ASXL3: variants seen among roughly 807,000 people sequenced by gnomAD.
ASXL3 encodes putative Polycomb group protein ASXL3.
In ASXL3, 34 loss-of-function variants were observed where a neutral mutation model predicts 170.6. That is an observed-to-expected ratio of 0.20 (90% confidence interval 0.15 to 0.27). The LOEUF is 0.27. Among genes scored for constraint, ASXL3 ranks in the 10% least tolerant of loss-of-function variants. The probability of loss-of-function intolerance (pLI) is 1.00; values close to 1 mark genes in which losing one functional copy is unlikely to be tolerated. For synonymous variants in ASXL3, 1,002 were observed against 989.1 expected, an observed-to-expected ratio of 1.01 and a Z score of -0.24; for missense variants, 2,592 against 2,695.3, an observed-to-expected ratio of 0.96 and a Z score of 0.85.
At position 33,738,412 on chromosome 18, in the gene ASXL3, A is replaced by G. The variant is rs1493910; in HGVS notation, c.1083-75A>G. ...GATGCATTTACTTCTATTGAATACT[A>G]CATTCATGAGAGATCCCAGTTGTAC... On this transcript the variant is annotated intron_variant, in intron 10 of 11. Transcript: ENST00000269197. The G allele has an allele frequency of 0.53, 721,892 of 1,374,244 alleles. 195,732 individuals are homozygous for G. The highest frequency in any genetic ancestry group is 0.91 in the East Asian group (37,305 of 41,146). 85.1% of individuals were successfully genotyped at this position (1,374,244 alleles called of 1,614,324 possible).
At chr18:33,667,866 T>TA (rs1166507017) in intron 5 of ASXL3, among the ~76,000 whole-genome samples, 1 of 152,222 alleles carries the variant, frequency 6.6e-6, no homozygotes, top group African/African-American at 2.4e-5. Context: ...CAGCAGCACT[T>TA]ATGCTACCAT....
chr18:33,655,880 A>G (rs1173580504), intron 4 of ASXL3, among the ~76,000 whole-genome samples: 1 of 152,058 alleles, frequency 6.6e-6, no homozygotes, highest in African/African-American at 2.4e-5. Context: ...CAAATTTATT[A>G]TTGTTAAGTT....
chr18:33,591,261 AT>A (rs1024035457), intron 1 of ASXL3, among the ~76,000 whole-genome samples: 2 of 152,008 alleles, frequency 1.3e-5, no homozygotes, highest in African/African-American at 4.8e-5. Context: ...TTTTTAACAC[AT>A]TTTACTTAGC....
intron 3 of ASXL3, among the ~76,000 whole-genome samples, chr18:33,645,313 A>G (rs72960063): frequency 6.6e-6 from 1 of 151,992 alleles, no homozygotes; most frequent in South Asian, 2.1e-4. Flanking sequence ...AGATGAGCAG[A>G]GTTACCATGA....
At chr18:33,737,238 C>T in intron 10 of ASXL3, among the ~76,000 whole-genome samples, 1 of 152,054 alleles carries the variant, frequency 6.6e-6, no homozygotes, top group East Asian at 1.9e-4. Flanking sequence ...TGGCCAAATA[C>T]CCAAAAACTG....
At chr18:33,652,041 C>T (rs1226246339) in intron 4 of ASXL3, among the ~76,000 whole-genome samples, 1 of 152,074 alleles carries the variant, frequency 6.6e-6, no homozygotes, top group Non-Finnish European at 1.5e-5. Context: ...TCACATTTTA[C>T]AAGCTAAGCT....
intron 1 of ASXL3, chr18:33,578,987 C>G (rs1474561123): frequency 1.1e-5 from 2 of 176,078 alleles, no homozygotes. Flanking sequence ...AATTTCCGAG[C>G]GCTCGGCGCA....
intron 2 of ASXL3, among the ~76,000 whole-genome samples, chr18:33,613,304 C>T (rs1462382276): frequency 6.6e-6 from 1 of 152,054 alleles, no homozygotes; most frequent in Non-Finnish European, 1.5e-5. Flanking sequence ...TTATTCCTTA[C>T]CTTACCTGGA....
chr18:33,638,455 AGT>A (rs1450985400), intron 2 of ASXL3, among the ~76,000 whole-genome samples: 1 of 152,084 alleles, frequency 6.6e-6, no homozygotes, highest in African/African-American at 2.4e-5. Flanking sequence ...TCTGCAGCCT[AGT>A]TCTTTATATT....
rs569078191 is a variant in ASXL3, at chr18:33,665,954, G to C, written c.477+4217G>C. Among the ~76,000 whole-genome samples the C allele has an allele frequency of 3.9e-5, 6 of 152,114 alleles. No homozygotes were observed. The South Asian group carries it at 1.2e-3, about 32-fold the overall frequency. ...CCTTTGAAAAGTGCATTTATTTCTA[G>C]GGTTAAGCTTGTAAATTTCTTTCAT... On this transcript the variant is annotated intron_variant, in intron 5 of 11. Coordinates refer to ENST00000269197, the MANE Select transcript of ASXL3 (RefSeq NM_030632.3).
intron 1 of ASXL3, among the ~76,000 whole-genome samples, chr18:33,581,187 TA>T (rs1207467746): frequency 1.1e-4 from 16 of 152,248 alleles, no homozygotes; most frequent in East Asian, 1.9e-4. Flanking sequence ...AACTCTCAAT[TA>T]AAAAAAGTTT....
intron 2 of ASXL3, among the ~76,000 whole-genome samples, chr18:33,619,406 CTT>C (rs2065475184): frequency 6.6e-6 from 1 of 151,016 alleles, no homozygotes; most frequent in Admixed American, 6.6e-5. Context: ...TGTTGAAACT[CTT>C]TCAGTTTATA....
chr18:33,739,328 C>G lies in ASXL3; in HGVS notation c.1924C>G (p.Pro642Ala). The change falls in exon 11 of 12, where the codon CCA (proline) becomes GCA (alanine). Residue 642 changes from proline to alanine, a missense_variant. Coordinates refer to ENST00000269197, the MANE Select transcript of ASXL3 (RefSeq NM_030632.3). ...GTCCACATCAGAAGAATCATGTACT[C>G]CAGCCTCCCTTGAGACAACATTTTG... ...TQSTSEESCT[P>A]ASLETTFCSE... is the part of the protein sequence containing the mutation. 6.2e-7 allele frequency: 1 copy of G among 1,613,482 alleles called. No homozygotes were observed. The highest frequency in any genetic ancestry group is 8.5e-7 in the Non-Finnish European group (1 of 1,179,622).
intron 8 of ASXL3, among the ~76,000 whole-genome samples, chr18:33,706,889 A>G (rs1195360748): frequency 1.3e-5 from 2 of 151,884 alleles, no homozygotes; most frequent in Non-Finnish European, 3.0e-5. Context: ...AAAGAGATGT[A>G]CTTATGCTAC....
intron 1 of ASXL3, among the ~76,000 whole-genome samples, chr18:33,589,486 G>A (rs1329686432): frequency 2.0e-5 from 3 of 152,042 alleles, no homozygotes; most frequent in Middle Eastern, 3.2e-3. Context: ...GGAAATAGAC[G>A]GCATTACCTT....
chr18:33,721,409 T>C (rs58925983), intron 8 of ASXL3, among the ~76,000 whole-genome samples: 9,644 of 152,170 alleles, frequency 0.063, 435 homozygotes, highest in African/African-American at 0.13. Flanking sequence ...TGTATGTATG[T>C]ATATAGATAA....
At chr18:33,726,757 G>T (rs1005471226) in intron 8 of ASXL3, among the ~76,000 whole-genome samples, 1 of 152,112 alleles carries the variant, frequency 6.6e-6, no homozygotes, top group Non-Finnish European at 1.5e-5. Flanking sequence ...CTTTGGAAAT[G>T]TCAGCTCTTA....
chr18:33,646,018 T>A (rs916319699), intron 3 of ASXL3, among the ~76,000 whole-genome samples: 1 of 151,618 alleles, frequency 6.6e-6, no homozygotes, highest in Non-Finnish European at 1.5e-5. Flanking sequence ...AAACTTTTTT[T>A]GGGTATAGAT....
intron 5 of ASXL3, among the ~76,000 whole-genome samples, chr18:33,662,723 C>T (rs1249113174): frequency 6.6e-6 from 1 of 152,096 alleles, no homozygotes; most frequent in Non-Finnish European, 1.5e-5. Context: ...TAACAATTCC[C>T]CCTTCAGCCA....
Sources: allele counts gnomAD v4.1 joint callset (sites outside exome capture counted in the v4.1 genomes callset), GRCh38; gene constraint gnomAD v4.1.1; transcripts MANE v1.5; gene names NCBI Gene and HGNC (gene_info 2026-07-23, HGNC 2026-07-21).